Variants in ELOVL4 observed in about 807,000 individuals in gnomAD.
ELOVL4 encodes very long chain fatty acid elongase 4.
A neutral mutation model predicts 42.1 loss-of-function variants in ELOVL4; 18 were observed. That is an observed-to-expected ratio of 0.43 (90% CI 0.30 to 0.63). The LOEUF (loss-of-function observed/expected upper bound fraction) is 0.63, where lower values mean the gene tolerates loss of function less well. Among genes scored for constraint, ELOVL4 ranks in the 30% least tolerant of loss-of-function variants. ELOVL4 has a pLI of 0.15. For missense variants in ELOVL4, 299 were observed against 376.2 expected (o/e 0.79, Z 1.70); for synonymous variants, 117 against 127.0 (o/e 0.92, Z 0.53).
chr6:79,923,263 A>G (rs140305568), intron 3 of ELOVL4, among the ~76,000 whole-genome samples: 1 of 152,334 alleles, frequency 6.6e-6, no homozygotes, highest in East Asian at 1.9e-4. Flanking sequence ...ATCCCATATT[A>G]GAGAGGAGAA....
At chr6:79,936,233 A>G (rs1043566536) in intron 1 of ELOVL4, among the ~76,000 whole-genome samples, 1 of 152,226 alleles carries the variant, frequency 6.6e-6, no homozygotes, top group African/African-American at 2.4e-5. Context: ...TATATTCAAG[A>G]CACCAAGAAG....
In ELOVL4 at chr6:79,916,677, G is replaced by C. The variant is rs1774166819; in HGVS notation, c.876C>G (p.Ser292Arg). ...AMNGISANGV[S>R]KSEKQLMIEN... The stretch of plus-strand genomic sequence containing the variant: ...CTATCATGAGTTGTTTTTCTGATTT[G>C]CTCACACCATTTGCTGAAATACCAT... Residue 292 changes from serine (S) to arginine (R), a missense_variant, in exon 6 of 6, where the codon AGC becomes AGG. Physicochemically the swap from Ser to Arg is moderately radical, Grantham distance 110. Transcript: ENST00000369816. 3.7e-6 allele frequency: 6 copies of C among 1,613,792 alleles called. No individual in the cohort carries two copies. Among genetic ancestry groups the C allele is most frequent in the Non-Finnish European group, 5.1e-6 (6 of 1,179,928 alleles).
intron 3 of ELOVL4, 71 bp from the exon 4 acceptor site, chr6:79,921,867 A>C (rs190439121): frequency 4.8e-6 from 7 of 1,444,958 alleles, no homozygotes; most frequent in Admixed American, 1.7e-5. Flanking sequence ...CATTGTAAGT[A>C]AGTCCAAAAT....
In ELOVL4 at chr6:79,916,183, A is replaced by G. The variant is rs1485773809; in HGVS notation, c.*425T>C. The G allele has an allele frequency of 1.1e-5, 2 of 186,402 alleles. No individual in the cohort carries two copies. Among genetic ancestry groups the G allele is most frequent in the Admixed American group, 1.1e-4 (2 of 18,476 alleles). The allele number at this position is 186,402 out of a possible 1,614,324, so 11.5% of individuals were successfully genotyped here. ...TTTCAGCTTTGGACAAGAAAATGTA[A>G]CACCACTGATTTCAGTCAGTAGATA... On this transcript the variant is annotated 3_prime_UTR_variant, in exon 6 of 6. Transcript: ENST00000369816.
intron 1 of ELOVL4, among the ~76,000 whole-genome samples, chr6:79,935,555 T>C (rs2127701205): frequency 6.6e-6 from 1 of 152,280 alleles, no homozygotes; most frequent in African/African-American, 2.4e-5. Flanking sequence ...GTCATTTATT[T>C]TCTAGCCCCA....
chr6:79,926,912 T>C (rs1049636776), intron 1 of ELOVL4, among the ~76,000 whole-genome samples: 1 of 152,100 alleles, frequency 6.6e-6, no homozygotes, highest in Non-Finnish European at 1.5e-5. Flanking sequence ...GAGATTAAGT[T>C]AGGGTTAATT....
chr6:79,947,417 C>T lies in ELOVL4; in HGVS notation c.-138G>A. 1.4e-6 allele frequency: 1 copy of T among 706,800 alleles called. No individual in the cohort carries two copies. 43.8% of individuals were successfully genotyped at this position (706,800 alleles called of 1,614,324 possible). ...GGCGGCGGCCCGGCTGCGTCTTCTC[C>T]TGCTCCTCAAGGCGCCGCGGCGGCG... is the stretch of plus-strand genomic sequence containing the variant. On this transcript the variant is annotated 5_prime_UTR_variant, in exon 1 of 6. Transcript: ENST00000369816.
intron 1 of ELOVL4, among the ~76,000 whole-genome samples, chr6:79,933,428 G>A (rs776894868): frequency 9.2e-5 from 14 of 152,038 alleles, no homozygotes; most frequent in South Asian, 6.2e-4. Context: ...ACGAGGATTC[G>A]CCATGTTGCT....
At chr6:79,920,399 T>C (rs1774233576) in intron 4 of ELOVL4, among the ~76,000 whole-genome samples, 1 of 152,212 alleles carries the variant, frequency 6.6e-6, no homozygotes, top group Non-Finnish European at 1.5e-5. Flanking sequence ...ATTTAGATCC[T>C]CTTTAACATT....
chr6:79,925,679 C>G (rs1455927078), intron 2 of ELOVL4, among the ~76,000 whole-genome samples: 1 of 152,120 alleles, frequency 6.6e-6, no homozygotes, highest in Non-Finnish European at 1.5e-5. Flanking sequence ...TTAGTAACAA[C>G]AGCTATATGG....
intron 1 of ELOVL4, among the ~76,000 whole-genome samples, chr6:79,943,623 A>ACC (rs1197582644): frequency 2.0e-5 from 3 of 152,150 alleles, no homozygotes; most frequent in Non-Finnish European, 2.9e-5. Context: ...CTGCCTCCAG[A>ACC]CCATGATATC....
intron 2 of ELOVL4, among the ~76,000 whole-genome samples, chr6:79,925,837 T>C (rs1774333499): frequency 6.6e-6 from 1 of 152,198 alleles, no homozygotes; most frequent in Non-Finnish European, 1.5e-5. Flanking sequence ...GAGTGCTTAA[T>C]ACGTGCCAAA....
intron 1 of ELOVL4, among the ~76,000 whole-genome samples, chr6:79,937,804 T>C (rs2127701636): frequency 6.6e-6 from 1 of 152,326 alleles, no homozygotes; most frequent in Non-Finnish European, 1.5e-5. Flanking sequence ...CTATAGATGG[T>C]TAAATAATAT....
In ELOVL4 at chr6:79,934,698, C is replaced by G. The variant is rs142941047; in HGVS notation, c.101-8317G>C. 3.4e-3 allele frequency among the ~76,000 whole-genome samples: 523 copies of G among 152,242 alleles called. 4 individuals are homozygous for G. The highest frequency in any genetic ancestry group is 0.012 in the African/African-American group (495 of 41,522). On this transcript the variant is annotated intron_variant, in intron 1 of 5. Coordinates refer to ENST00000369816, the MANE Select transcript of ELOVL4 (RefSeq NM_022726.4). ...CAGCATTAGACTCTTCACTTACCAG[C>G]TGAATAAACCCAAGAAGTTACTTAG...
At chr6:79,920,404 A>T (rs1774233614) in intron 4 of ELOVL4, among the ~76,000 whole-genome samples, 1 of 152,248 alleles carries the variant, frequency 6.6e-6, no homozygotes. Flanking sequence ...GATCCTCTTT[A>T]ACATTAACAA....
chr6:79,934,352 G>C (rs1302238696), intron 1 of ELOVL4, among the ~76,000 whole-genome samples: 1 of 152,056 alleles, frequency 6.6e-6, no homozygotes, highest in Non-Finnish European at 1.5e-5. Flanking sequence ...GTGCAGAACA[G>C]AATCTATAGC....
chr6:79,929,545 C>T (rs534888729), intron 1 of ELOVL4, among the ~76,000 whole-genome samples: 1 of 152,150 alleles, frequency 6.6e-6, no homozygotes, highest in African/African-American at 2.4e-5. Context: ...CCAGCCCATG[C>T]AGCCCATTTC....
Position 79,921,737 on chromosome 6 carries a change from C to T in ELOVL4, c.429G>A (p.Val143=), listed in dbSNP as rs973821185. Residue 143 remains valine, a synonymous_variant, in exon 4 of 6, where the codon GTG becomes GTA. Coordinates refer to ENST00000369816, the MANE Select transcript of ELOVL4 (RefSeq NM_022726.4). ...VSKGVEYLDT[V]FFILRKKNNQ... is the part of the protein sequence containing the mutation. ...TGTTTTTCTTTCTCAGAATAAAAAA[C>T]ACTGTGTCCAAATACTCAACTCCTT... is the stretch of plus-strand genomic sequence containing the variant. 1.9e-6 allele frequency: 3 copies of T among 1,613,956 alleles called. No individual in the cohort carries two copies. Among genetic ancestry groups the T allele is most frequent in the Admixed American group, 1.7e-5 (1 of 60,000 alleles).
chr6:79,929,304 G>A (rs1224837340), intron 1 of ELOVL4, among the ~76,000 whole-genome samples: 1 of 151,946 alleles, frequency 6.6e-6, no homozygotes, highest in Non-Finnish European at 1.5e-5. Flanking sequence ...AAAGTAGCAC[G>A]ATCTCCGTCC....
Sources: allele counts gnomAD v4.1 joint callset (sites outside exome capture counted in the v4.1 genomes callset), GRCh38; gene constraint gnomAD v4.1.1; transcripts MANE v1.5; gene names NCBI Gene and HGNC (gene_info 2026-07-23, HGNC 2026-07-21).